CAMKMT: variants seen among roughly 807,000 people sequenced by gnomAD.
CAMKMT encodes calmodulin-lysine N-methyltransferase.
CAMKMT carries 53 observed loss-of-function variants against 48.0 expected under a neutral mutation model. The observed-to-expected ratio is 1.10, with a 90% CI of 0.89 to 1.39. CAMKMT has a LOEUF of 1.39. CAMKMT is among the 40% of genes most tolerant of loss of function. CAMKMT has a pLI of 0.00. For synonymous variants in CAMKMT, 165 were observed against 152.3 expected (o/e 1.08, Z -0.61); for missense variants, 428 against 402.7 (o/e 1.06, Z -0.54).
At chr2:44,768,357 ATATAT>A (rs1680937570) in intron 10 of CAMKMT, among the ~76,000 whole-genome samples, 1 of 96,042 alleles carries the variant, frequency 1.0e-5, no homozygotes, top group African/African-American at 4.4e-5. Flanking sequence ...ATATATATAT[ATATAT>A]TTTTTTTTTT....
At chr2:44,402,822 G>A (rs1001948294) in intron 3 of CAMKMT, among the ~76,000 whole-genome samples, 1 of 105,678 alleles carries the variant, frequency 9.5e-6, no homozygotes, top group Non-Finnish European at 2.0e-5. Flanking sequence ...GCTTTTTAAT[G>A]TCCAAAAGTT....
At chr2:44,602,921 C>G (rs967679515) in intron 3 of CAMKMT, among the ~76,000 whole-genome samples, 5 of 151,926 alleles carry the variant, frequency 3.3e-5, no homozygotes, top group African/African-American at 1.2e-4. Context: ...CTAGCTATCT[C>G]TCCATTATTT....
intron 2 of CAMKMT, among the ~76,000 whole-genome samples, chr2:44,374,747 A>G (rs1432533018): frequency 6.6e-6 from 1 of 152,232 alleles, no homozygotes; most frequent in East Asian, 1.9e-4. Context: ...GAAAGAATAA[A>G]TGTATATCTA....
intron 3 of CAMKMT, among the ~76,000 whole-genome samples, chr2:44,435,703 C>G (rs1019609077): frequency 8.5e-5 from 13 of 152,184 alleles, no homozygotes; most frequent in African/African-American, 3.1e-4. Context: ...GTCAAATTTA[C>G]TACTTAAGAA....
intron 3 of CAMKMT, among the ~76,000 whole-genome samples, chr2:44,490,795 T>C (rs780165312): frequency 1.3e-5 from 2 of 151,938 alleles, no homozygotes; most frequent in African/African-American, 2.4e-5. Flanking sequence ...GTGCTTAAAA[T>C]TGAACAAACA....
At chr2:44,713,667 A>C (rs1678005758) in intron 6 of CAMKMT, among the ~76,000 whole-genome samples, 1 of 152,148 alleles carries the variant, frequency 6.6e-6, no homozygotes, top group Non-Finnish European at 1.5e-5. Flanking sequence ...TCTGCATTAT[A>C]GCACTTTTGT....
Position 44,465,263 on chromosome 2 carries a change from C to CA in CAMKMT, c.376+74966dup, listed in dbSNP as rs201060526. On this transcript the variant is annotated intron_variant, in intron 3 of 10. Transcript: ENST00000378494. ...AAAGAAAATACCTACAGAAGCTGCA[C>CA]AAAAAAAATGAGAACAGAATAAAAA... 4.1e-3 allele frequency among the ~76,000 whole-genome samples: 616 copies of CA among 151,360 alleles called. 10 individuals carry two copies. The East Asian group carries it at 0.052, about 13-fold the overall frequency.
intron 3 of CAMKMT, among the ~76,000 whole-genome samples, chr2:44,523,177 A>G (rs1671209671): frequency 6.6e-6 from 1 of 151,958 alleles, no homozygotes; most frequent in African/African-American, 2.4e-5. Context: ...TAAAGTCACA[A>G]CTTTTTAACT....
chr2:44,594,564 G>A (rs950169364), intron 3 of CAMKMT, among the ~76,000 whole-genome samples: 4 of 152,134 alleles, frequency 2.6e-5, no homozygotes, highest in African/African-American at 9.7e-5. Flanking sequence ...AATGGGGAAA[G>A]GATTCCCTAT....
At chr2:44,460,300 G>T (rs572861767) in intron 3 of CAMKMT, among the ~76,000 whole-genome samples, 4 of 152,172 alleles carry the variant, frequency 2.6e-5, no homozygotes, top group Admixed American at 6.5e-5. Flanking sequence ...CAAAATAAAA[G>T]AGTATATTTG....
chr2:44,572,705 C>T (rs1256243668), intron 3 of CAMKMT, among the ~76,000 whole-genome samples: 1 of 148,020 alleles, frequency 6.8e-6, no homozygotes, highest in Non-Finnish European at 1.5e-5. Context: ...ATGAGTAATG[C>T]TGCTGTGTTG....
At chr2:44,484,967 T>TACTAAACCGAAATAGTC (rs1392516551) in intron 3 of CAMKMT, among the ~76,000 whole-genome samples, 1 of 152,124 alleles carries the variant, frequency 6.6e-6, no homozygotes, top group Admixed American at 6.5e-5. Flanking sequence ...CAGAAAAAGA[T>TACTAAACCGAAATAGTC]ACTAAACCGA....
intron 3 of CAMKMT, among the ~76,000 whole-genome samples, chr2:44,561,033 C>G (rs979514420): frequency 1.3e-5 from 2 of 152,166 alleles, no homozygotes; most frequent in African/African-American, 4.8e-5. Flanking sequence ...TCCTGTCACC[C>G]TTTATTATTA....
At chr2:44,546,023 T>A (rs977440454) in intron 3 of CAMKMT, among the ~76,000 whole-genome samples, 3 of 152,056 alleles carry the variant, frequency 2.0e-5, no homozygotes, top group African/African-American at 7.2e-5. Context: ...GTAAGTAAAT[T>A]TCTCTTAAAA....
intron 3 of CAMKMT, among the ~76,000 whole-genome samples, chr2:44,580,840 A>G (rs1489728718): frequency 6.6e-6 from 1 of 152,176 alleles, no homozygotes; most frequent in Non-Finnish European, 1.5e-5. Flanking sequence ...TGCCCCGGTC[A>G]GTTGTTAGCT....
chr2:44,498,749 C>T (rs1043454752), intron 3 of CAMKMT, among the ~76,000 whole-genome samples: 2 of 152,170 alleles, frequency 1.3e-5, no homozygotes, highest in Admixed American at 6.6e-5. Context: ...TGGCTAAAGG[C>T]TGCTGAATGA....
intron 3 of CAMKMT, among the ~76,000 whole-genome samples, chr2:44,579,671 G>A (rs887445446): frequency 2.6e-5 from 4 of 152,014 alleles, no homozygotes; most frequent in South Asian, 2.1e-4. Flanking sequence ...TGCCCTCCCC[G>A]GCTCTGTGTC....
At chr2:44,701,432 G>C (rs946712321) in intron 3 of CAMKMT, among the ~76,000 whole-genome samples, 4 of 152,124 alleles carry the variant, frequency 2.6e-5, no homozygotes, top group African/African-American at 4.8e-5. Flanking sequence ...ATCCTATCTG[G>C]GCAAGGCTTT....
At chr2:44,620,209 A>G (rs1180691095) in intron 3 of CAMKMT, among the ~76,000 whole-genome samples, 7 of 151,788 alleles carry the variant, frequency 4.6e-5, no homozygotes, top group Admixed American at 3.3e-4. Flanking sequence ...ATTGTGATAG[A>G]TTTTTTCTAA....
Sources: allele counts gnomAD v4.1 joint callset (sites outside exome capture counted in the v4.1 genomes callset), GRCh38; gene constraint gnomAD v4.1.1; transcripts MANE v1.5; gene names NCBI Gene and HGNC (gene_info 2026-07-23, HGNC 2026-07-21).